Variants in GADL1 observed in about 807,000 individuals in gnomAD.
GADL1 encodes the protein acidic amino acid decarboxylase GADL1.
Under a neutral mutation model 69.5 loss-of-function variants are expected in GADL1, and 71 were observed. The ratio of observed to expected loss-of-function variants is 1.02; its 90% CI spans 0.84 to 1.25. The LOEUF (loss-of-function observed/expected upper bound fraction) is 1.25, where lower values mean the gene tolerates loss of function less well. Ranked by LOEUF, GADL1 falls within the 50% of genes most tolerant of loss-of-function variation. The probability of loss-of-function intolerance (pLI) is 0.00; values close to 1 mark genes in which losing one functional copy is unlikely to be tolerated. For synonymous variants in GADL1, 254 were observed against 214.4 expected, an observed-to-expected ratio of 1.18 and a Z score of -1.62; for missense variants, 737 against 631.8, an observed-to-expected ratio of 1.17 and a Z score of -1.79.
chr3:30,787,441 C>G (rs1293541116), intron 12 of GADL1, among the ~76,000 whole-genome samples: 1 of 152,172 alleles, frequency 6.6e-6, no homozygotes, highest in African/African-American at 2.4e-5. Flanking sequence ...TCTGAAATGG[C>G]TGGCCTTGAA....
chr3:30,788,495 G>A (rs1696846354), intron 12 of GADL1, among the ~76,000 whole-genome samples: 1 of 152,204 alleles, frequency 6.6e-6, no homozygotes, highest in African/African-American at 2.4e-5. Context: ...TTGCCTTGAT[G>A]TTGGTTGCTG....
At chr3:30,777,855 T>TA (rs922360355) in intron 14 of GADL1, among the ~76,000 whole-genome samples, 1 of 151,376 alleles carries the variant, frequency 6.6e-6, no homozygotes, top group African/African-American at 2.4e-5. Flanking sequence ...AGAGATGCAG[T>TA]AGCAGAGTTG....
intron 6 of GADL1, among the ~76,000 whole-genome samples, chr3:30,847,917 C>A (rs1244677174): frequency 1.3e-5 from 2 of 152,190 alleles, no homozygotes; most frequent in Non-Finnish European, 1.5e-5. Flanking sequence ...CACGTAATAT[C>A]TTTTCCCTTT....
chr3:30,802,321 CTG>C (rs1447252174), intron 11 of GADL1, among the ~76,000 whole-genome samples: 3 of 152,218 alleles, frequency 2.0e-5, no homozygotes, highest in Admixed American at 6.5e-5. Context: ...CAGTTTAACA[CTG>C]TGCTGGGCAC....
At chr3:30,802,570 T>C (rs1452856808) in intron 11 of GADL1, among the ~76,000 whole-genome samples, 1 of 152,252 alleles carries the variant, frequency 6.6e-6, no homozygotes, top group Non-Finnish European at 1.5e-5. Context: ...TTCATTTGAC[T>C]AATCAGCTTG....
intron 1 of GADL1, among the ~76,000 whole-genome samples, chr3:30,880,869 A>G (rs1351064987): frequency 6.6e-6 from 1 of 151,892 alleles, no homozygotes; most frequent in Non-Finnish European, 1.5e-5. Flanking sequence ...TATAAATTAG[A>G]CCTCAAGAAA....
chr3:30,760,048 C>T (rs1238453404), intron 14 of GADL1, among the ~76,000 whole-genome samples: 1 of 152,154 alleles, frequency 6.6e-6, no homozygotes, highest in Non-Finnish European at 1.5e-5. Context: ...GTGATAAATG[C>T]TTATTGTCTC....
At chr3:30,779,384 C>T (rs1422663354) in intron 13 of GADL1, among the ~76,000 whole-genome samples, 1 of 152,198 alleles carries the variant, frequency 6.6e-6, no homozygotes, top group Non-Finnish European at 1.5e-5. Flanking sequence ...CAGAATTATG[C>T]TCCAGTATAT....
chr3:30,893,452 C>T (rs560702289), intron 1 of GADL1, among the ~76,000 whole-genome samples: 27 of 151,984 alleles, frequency 1.8e-4, no homozygotes, highest in African/African-American at 6.3e-4. Flanking sequence ...CTATATTCAC[C>T]CTACTGTGCA....
intron 11 of GADL1, among the ~76,000 whole-genome samples, chr3:30,820,286 G>A (rs7633848): frequency 0.35 from 53,503 of 151,706 alleles, 13,130 homozygotes; most frequent in African/African-American, 0.66. Context: ...TATAAAGAAT[G>A]TATAACTTAG....
At chr3:30,822,870 G>A (rs996116934) in intron 11 of GADL1, among the ~76,000 whole-genome samples, 2 of 151,932 alleles carry the variant, frequency 1.3e-5, no homozygotes, top group Non-Finnish European at 2.9e-5. Context: ...TTGACTTAGG[G>A]TAGGGAGCAT....
At chr3:30,859,146 G>A (rs1698277117) in intron 2 of GADL1, among the ~76,000 whole-genome samples, 2 of 151,858 alleles carry the variant, frequency 1.3e-5, no homozygotes. Flanking sequence ...AACGGAGGGA[G>A]GGAATATAGA....
intron 11 of GADL1, among the ~76,000 whole-genome samples, chr3:30,830,222 C>T (rs967074621): frequency 9.2e-5 from 14 of 151,788 alleles, no homozygotes; most frequent in African/African-American, 3.1e-4. Context: ...GCCTGGAAGT[C>T]GAGAAGACTG....
chr3:30,730,364 G>T (rs1695437156), intron 14 of GADL1, among the ~76,000 whole-genome samples: 1 of 152,188 alleles, frequency 6.6e-6, no homozygotes, highest in Non-Finnish European at 1.5e-5. Flanking sequence ...AAGAGATAAA[G>T]GGGGATGGCT....
At chr3:30,809,646 C>CAAAAGA (rs1697317243) in intron 11 of GADL1, among the ~76,000 whole-genome samples, 2 of 152,170 alleles carry the variant, frequency 1.3e-5, no homozygotes, top group Non-Finnish European at 2.9e-5. Flanking sequence ...ACTTCCTTCC[C>CAAAAGA]ATGATCTCTT....
intron 1 of GADL1, among the ~76,000 whole-genome samples, chr3:30,874,094 G>C (rs1370602775): frequency 2.6e-5 from 4 of 152,052 alleles, no homozygotes; most frequent in Middle Eastern, 3.4e-3. Context: ...TTGCTGAGTA[G>C]GGTTTGCAAA....
chr3:30,780,329 C>T (rs1696636584), intron 13 of GADL1, among the ~76,000 whole-genome samples: 1 of 152,094 alleles, frequency 6.6e-6, no homozygotes. Context: ...ATCCCATGAG[C>T]CAAGGTCATA....
chr3:30,836,798 TG>T (rs1321006093), intron 9 of GADL1, among the ~76,000 whole-genome samples: 170 of 152,194 alleles, frequency 1.1e-3, no homozygotes, highest in African/African-American at 3.9e-3. Flanking sequence ...CCTCTGATTT[TG>T]AAGAAGAGCT....
intron 9 of GADL1, among the ~76,000 whole-genome samples, chr3:30,834,563 C>T (rs1697843998): frequency 6.6e-6 from 1 of 151,964 alleles, no homozygotes. Flanking sequence ...GGAAGAGGTT[C>T]AAAGTCCATG....
Sources: allele counts gnomAD v4.1 joint callset (sites outside exome capture counted in the v4.1 genomes callset), GRCh38; gene constraint gnomAD v4.1.1; transcripts MANE v1.5; gene names NCBI Gene and HGNC (gene_info 2026-07-23, HGNC 2026-07-21).